The following C6orf118 variants were observed in gnomAD, a reference collection of about 807,000 sequenced individuals.
C6orf118 encodes uncharacterized protein C6orf118.
C6orf118 carries 50 observed loss-of-function variants against 50.2 expected under a neutral mutation model. The observed-to-expected ratio is 1.00, with a 90% CI of 0.79 to 1.26. The LOEUF is 1.26. C6orf118 is among the 50% of genes most tolerant of loss of function. The pLI is 0.00. For missense variants in C6orf118, 641 were observed against 578.7 expected (o/e 1.11, Z -1.10); for synonymous variants, 239 against 230.9 (o/e 1.03, Z -0.32).
chr6:165,284,509 A>G (rs990928019), intron 7 of C6orf118, among the ~76,000 whole-genome samples: 12 of 152,280 alleles, frequency 7.9e-5, no homozygotes, highest in Admixed American at 3.3e-4. Context: ...ATTAACCCCA[A>G]TATACATAAT....
Position 165,298,089 on chromosome 6 carries a change from G to A in C6orf118, c.949C>T (p.Gln317Ter), listed in dbSNP as rs1562331707. Residue 317 changes from glutamine to a stop codon, truncating the protein, a stop_gained, in exon 5 of 9, where the codon CAA (glutamine) becomes TAA (stop). Coordinates refer to ENST00000230301, the MANE Select transcript of C6orf118 (RefSeq NM_144980.4). LOFTEE classifies it high-confidence loss of function. ...PAAQYEALLA[Q>*]LKALGQRPVK... Reference sequence around the variant, plus strand: ...GGCCTCTGCCCCAGCGCCTTGAGTTGAGCCAGAAGAGCCTAGGCAGGACCA... The same window carrying A: ...GGCCTCTGCCCCAGCGCCTTGAGTTAAGCCAGAAGAGCCTAGGCAGGACCA... The A allele has an allele frequency of 3.7e-6, 6 of 1,600,678 alleles. No individual in the cohort carries two copies. Among genetic ancestry groups the A allele is most frequent in the Non-Finnish European group, 5.1e-6 (6 of 1,173,916 alleles).
chr6:165,289,393 G>C (rs557966995), intron 7 of C6orf118, among the ~76,000 whole-genome samples: 18 of 152,120 alleles, frequency 1.2e-4, no homozygotes, highest in Middle Eastern at 3.4e-3. Flanking sequence ...TACAACTGGA[G>C]GTTACATTGA....
At position 165,306,731 on chromosome 6, in the gene C6orf118, A is replaced by T. The variant is rs193254624; in HGVS notation, c.25+2831T>A. On this transcript the variant is annotated intron_variant, in intron 1 of 8. Transcript: ENST00000230301. The stretch of plus-strand genomic sequence containing the variant: ...TTTGTTTATTTTATTTCCAAGAAGG[A>T]TTTGAAGCCATCAGCAAGTCAATCA... 3.9e-5 allele frequency among the ~76,000 whole-genome samples: 6 copies of T among 152,152 alleles called. No homozygotes were observed. The East Asian group carries it at 1.2e-3, about 30-fold the overall frequency.
chr6:165,286,768 C>T (rs1178114020), intron 7 of C6orf118, among the ~76,000 whole-genome samples: 1 of 152,074 alleles, frequency 6.6e-6, no homozygotes, highest in Non-Finnish European at 1.5e-5. Flanking sequence ...TATTGATGAA[C>T]ACATCTCAAA....
At chr6:165,288,801 A>G (rs1458646986) in intron 7 of C6orf118, among the ~76,000 whole-genome samples, 1 of 151,994 alleles carries the variant, frequency 6.6e-6, no homozygotes, top group East Asian at 1.9e-4. Flanking sequence ...GAAGGGAGGT[A>G]AAACATCAGG....
chr6:165,306,833 C>T (rs1373757843), intron 1 of C6orf118, among the ~76,000 whole-genome samples: 1 of 152,174 alleles, frequency 6.6e-6, no homozygotes, highest in Admixed American at 6.5e-5. Flanking sequence ...GTTTCCACTT[C>T]TGTCTGCCAC....
intron 5 of C6orf118, among the ~76,000 whole-genome samples, chr6:165,296,243 G>GTTTTTTTTT (rs1285694115): frequency 7.2e-5 from 4 of 55,348 alleles, no homozygotes; most frequent in Admixed American, 1.8e-4. Flanking sequence ...TGTTGTTTTC[G>GTTTTTTTTT]TTTTTTGTTT....
rs80166511 is a variant in C6orf118 at position 165,281,629 on chromosome 6, A to C, written c.1356+11T>G. Reference sequence around the variant, plus strand: ...TTTATTGATAAACATTGATTCACACAAAAAACTTACTTTTATTTTCTTCTT... The same window carrying C: ...TTTATTGATAAACATTGATTCACACCAAAAACTTACTTTTATTTTCTTCTT... On this transcript the variant is annotated intron_variant, in intron 8 of 8. Transcript: ENST00000230301. The C allele has an allele frequency of 6.7e-7, 1 of 1,495,134 alleles. No individual in the cohort carries two copies. Among genetic ancestry groups the C allele is most frequent in the African/African-American group, 1.4e-5 (1 of 70,048 alleles). 92.6% of individuals were successfully genotyped at this position (1,495,134 alleles called of 1,614,324 possible). A position where few individuals can be genotyped will look rare whatever the true frequency, so the allele number is the denominator to read the frequency against.
chr6:165,290,108 A>G, intron 6 of C6orf118, 41 bp from the exon 7 acceptor site: 1 of 1,237,438 alleles, frequency 8.1e-7, no homozygotes, highest in Non-Finnish European at 1.1e-6. Flanking sequence ...CATGTTTAAT[A>G]TCTCAGTTAT....
intron 5 of C6orf118, 55 bp from the exon 6 acceptor site, chr6:165,293,526 T>G: frequency 6.7e-7 from 1 of 1,486,222 alleles, no homozygotes; most frequent in South Asian, 1.2e-5. Context: ...ATATCTTTTG[T>G]CTTTTGTCTG....
intron 1 of C6orf118, among the ~76,000 whole-genome samples, chr6:165,307,232 C>T (rs1260495950): frequency 6.8e-6 from 1 of 146,940 alleles, no homozygotes; most frequent in Non-Finnish European, 1.5e-5. Context: ...CCACCAACCC[C>T]AGAATAGGAC....
At chr6:165,306,554 A>G (rs1435113338) in intron 1 of C6orf118, among the ~76,000 whole-genome samples, 11 of 146,766 alleles carry the variant, frequency 7.5e-5, no homozygotes, top group Non-Finnish European at 1.5e-4. Context: ...AAAAAAAAAA[A>G]AAAAAAAGAA....
At chr6:165,293,538 G>A (rs1319646128) in intron 5 of C6orf118, 67 bp from the exon 6 acceptor site, 8 of 1,315,382 alleles carry the variant, frequency 6.1e-6, no homozygotes, top group Non-Finnish European at 8.6e-6. Context: ...TTTTGTCTGG[G>A]TTACACCACA....
intron 2 of C6orf118, 138 bp from the exon 3 acceptor site, chr6:165,300,624 G>T: frequency 1.5e-6 from 1 of 659,272 alleles, no homozygotes; most frequent in Non-Finnish European, 2.5e-6. Flanking sequence ...CAGTCTCGGG[G>T]GTTCTGATCC....
intron 1 of C6orf118, among the ~76,000 whole-genome samples, chr6:165,306,966 A>T (rs1780759802): frequency 6.6e-6 from 1 of 151,804 alleles, no homozygotes; most frequent in Non-Finnish European, 1.5e-5. Context: ...GAGAGAGAAA[A>T]CAAACAAACA....
chr6:165,283,193 G>C (rs970675275), intron 7 of C6orf118, among the ~76,000 whole-genome samples: 4 of 152,124 alleles, frequency 2.6e-5, no homozygotes, highest in Non-Finnish European at 4.4e-5. Flanking sequence ...GACCCACAGA[G>C]AGCAAGAAAA....
intron 6 of C6orf118, among the ~76,000 whole-genome samples, chr6:165,291,751 G>C (rs942548804): frequency 1.3e-5 from 2 of 152,182 alleles, no homozygotes; most frequent in African/African-American, 2.4e-5. Flanking sequence ...GTACAGAAAG[G>C]AAATGGAGAC....
At chr6:165,301,471 C>G in intron 2 of C6orf118, 98 bp downstream of exon 2, 1 of 1,482,708 alleles carries the variant, frequency 6.7e-7, no homozygotes, top group East Asian at 2.3e-5. Flanking sequence ...AGCTCTGCCC[C>G]GAGAGGTTTG....
rs551278860 is a variant in C6orf118 at position 165,285,578 on chromosome 6, A to T, written c.1303-3885T>A. The stretch of plus-strand genomic sequence containing the variant: ...AAAACACTCCTCAGCAATAACAAAC[A>T]GTCTCCCAGACCACATGCAATCAAA... On this transcript the variant is annotated intron_variant, in intron 7 of 8. Transcript: ENST00000230301. 4.0e-5 allele frequency among the ~76,000 whole-genome samples: 6 copies of T among 151,424 alleles called. No homozygotes were observed. The South Asian group carries it at 1.2e-3, about 31-fold the overall frequency.
Sources: allele counts gnomAD v4.1 joint callset (sites outside exome capture counted in the v4.1 genomes callset), GRCh38; gene constraint gnomAD v4.1.1; transcripts MANE v1.5; gene names NCBI Gene and HGNC (gene_info 2026-07-23, HGNC 2026-07-21).